CLASP1: variants seen among roughly 807,000 people sequenced by gnomAD.
CLASP1 encodes CLIP-associating protein 1.
A neutral mutation model predicts 192.3 loss-of-function variants in CLASP1; 38 were observed. The ratio of observed to expected loss-of-function variants is 0.20; its 90% CI spans 0.15 to 0.26. The LOEUF is 0.26. Among genes scored for constraint, CLASP1 ranks in the 10% least tolerant of loss-of-function variants. The pLI is 1.00. For missense variants in CLASP1, 1,433 were observed against 1,932.5 expected, an observed-to-expected ratio of 0.74 and a Z score of 4.85; for synonymous variants, 691 against 712.8, an observed-to-expected ratio of 0.97 and a Z score of 0.49.
intron 34 of CLASP1, among the ~76,000 whole-genome samples, chr2:121,377,266 C>T (rs1347419252): frequency 1.3e-5 from 2 of 152,160 alleles, no homozygotes; most frequent in African/African-American, 4.8e-5. Context: ...GATGGATGTA[C>T]TAATTACCTT....
rs529251699 is a variant in CLASP1, at chr2:121,486,451, T to C, written c.713-16491A>G. Among the ~76,000 whole-genome samples, 5 of 152,284 alleles carry C rather than the reference T, an allele frequency of 3.3e-5. No individual in the cohort carries two copies. The East Asian group carries it at 9.7e-4, about 29-fold the overall frequency. On this transcript the variant is annotated intron_variant, in intron 8 of 39. Transcript: ENST00000263710. ...TACATAAGAGTCACCATATATCCTT[T>C]CATTGATTAAATGTTCATTTCTCCC...
At chr2:121,499,969 A>G (rs774663097) in intron 8 of CLASP1, among the ~76,000 whole-genome samples, 5 of 152,196 alleles carry the variant, frequency 3.3e-5, no homozygotes, top group Non-Finnish European at 7.3e-5. Flanking sequence ...CTTACACAGT[A>G]CTGGAAGTTC....
intron 8 of CLASP1, among the ~76,000 whole-genome samples, chr2:121,490,889 A>C (rs1175049237): frequency 6.6e-6 from 1 of 152,234 alleles, no homozygotes; most frequent in African/African-American, 2.4e-5. Flanking sequence ...AGAGAGTGTG[A>C]ACCTAGAATT....
chr2:121,628,695 T>C (rs1452526041), intron 1 of CLASP1, among the ~76,000 whole-genome samples: 1 of 150,928 alleles, frequency 6.6e-6, no homozygotes, highest in Non-Finnish European at 1.5e-5. Flanking sequence ...AAAAAGAATG[T>C]AATTGAATAT....
At chr2:121,600,837 T>A (rs2063704838) in intron 2 of CLASP1, among the ~76,000 whole-genome samples, 2 of 152,228 alleles carry the variant, frequency 1.3e-5, no homozygotes, top group Admixed American at 1.3e-4. Flanking sequence ...CATGGTCACA[T>A]GCTTCACTCA....
chr2:121,609,692 C>T (rs1325346236), intron 1 of CLASP1, among the ~76,000 whole-genome samples: 1 of 152,292 alleles, frequency 6.6e-6, no homozygotes, highest in African/African-American at 2.4e-5. Context: ...CCTGTAATCC[C>T]AAGACTTTGG....
At chr2:121,469,562 TC>T (rs2149963530) in intron 9 of CLASP1, among the ~76,000 whole-genome samples, 1 of 152,304 alleles carries the variant, frequency 6.6e-6, no homozygotes, top group South Asian at 2.1e-4. Context: ...TGTGCTGGCT[TC>T]CTTCTCCTGC....
In CLASP1 at chr2:121,483,155, C is replaced by T. The variant is rs150903260; in HGVS notation, c.713-13195G>A. On this transcript the variant is annotated intron_variant, in intron 8 of 39. Coordinates refer to ENST00000263710, the Ensembl canonical transcript of CLASP1. ...TGACTTCATCCATCTGGGCATCCTACTTTATCTGCCCCTCTTCCCCCTCCC... is the reference window on the plus strand; with the variant it reads ...TGACTTCATCCATCTGGGCATCCTATTTTATCTGCCCCTCTTCCCCCTCCC... Among the ~76,000 whole-genome samples the T allele has an allele frequency of 6.5e-3, 991 of 152,290 alleles. 10 individuals carry two copies. The highest frequency in any genetic ancestry group is 8.6e-3 in the Non-Finnish European group (585 of 68,030).
chr2:121,530,947 C>G lies in CLASP1; in HGVS notation c.196-622G>C, dbSNP rs191916413. The stretch of plus-strand genomic sequence containing the variant: ...ATAGTGAGGGCAGTACTGCTAACGC[C>G]TGAACAACACACCCGCATCAACTAG... On this transcript the variant is annotated intron_variant, in intron 2 of 39. Transcript: ENST00000263710. 13 of 700,308 alleles carry G rather than the reference C, an allele frequency of 1.9e-5. No individual in the cohort carries two copies. Among genetic ancestry groups the G allele is most frequent in the East Asian group, 1.3e-4 (5 of 37,312 alleles). The allele number at this position is 700,308 out of a possible 1,614,324, so 43.4% of individuals were successfully genotyped here. A position where few individuals can be genotyped will look rare whatever the true frequency, so the allele number is the denominator to read the frequency against.
chr2:121,340,753 T>C (rs759893330), exon 40 of CLASP1: 8 of 743,664 alleles, frequency 1.1e-5, no homozygotes, highest in Non-Finnish European at 1.8e-5. Flanking sequence ...TAATAAATAT[T>C]TGTGGGCCTC....
At chr2:121,582,984 C>A (rs931734335) in intron 2 of CLASP1, among the ~76,000 whole-genome samples, 13 of 151,956 alleles carry the variant, frequency 8.6e-5, no homozygotes, top group Admixed American at 4.6e-4. Flanking sequence ...CGGGGTTTCA[C>A]CATGTTGGCA....
chr2:121,588,744 CCT>C (rs1379987745), intron 2 of CLASP1, among the ~76,000 whole-genome samples: 1 of 152,104 alleles, frequency 6.6e-6, no homozygotes, highest in Non-Finnish European at 1.5e-5. Flanking sequence ...CCACTAGACC[CCT>C]GAGGCCTCCC....
At chr2:121,569,021 T>C (rs2059752609) in intron 2 of CLASP1, among the ~76,000 whole-genome samples, 1 of 152,056 alleles carries the variant, frequency 6.6e-6, no homozygotes. Flanking sequence ...GAGATATAAA[T>C]GTTCAATCCC....
intron 20 of CLASP1, among the ~76,000 whole-genome samples, chr2:121,427,655 A>ACCTACAAT (rs1421942207): frequency 1.3e-5 from 2 of 152,174 alleles, no homozygotes; most frequent in Non-Finnish European, 1.5e-5. Context: ...ACACTTTCAA[A>ACCTACAAT]CCTACAATGT....
chr2:121,559,413 CA>C (rs2058872780), intron 2 of CLASP1, among the ~76,000 whole-genome samples: 1 of 152,110 alleles, frequency 6.6e-6, no homozygotes, highest in Non-Finnish European at 1.5e-5. Context: ...CAGTATTATT[CA>C]TAATAGTCAA....
chr2:121,645,493 CA>C (rs1482618224), intron 1 of CLASP1, among the ~76,000 whole-genome samples: 1 of 152,174 alleles, frequency 6.6e-6, no homozygotes, highest in Non-Finnish European at 1.5e-5. Context: ...TATTAGTCTA[CA>C]TTAGGATACA....
At chr2:121,598,198 T>C (rs1316578928) in intron 2 of CLASP1, among the ~76,000 whole-genome samples, 2 of 152,226 alleles carry the variant, frequency 1.3e-5, no homozygotes, top group East Asian at 1.9e-4. Context: ...TGGTGTAGCA[T>C]AGTGCTGTTC....
At chr2:121,463,960 G>A (rs1054336062) in intron 9 of CLASP1, among the ~76,000 whole-genome samples, 2 of 150,442 alleles carry the variant, frequency 1.3e-5, no homozygotes, top group Non-Finnish European at 3.0e-5. Flanking sequence ...TCGTCATTTA[G>A]CATTAGGTAT....
In CLASP1 at chr2:121,404,475, T is replaced by C. The variant is rs187431837; in HGVS notation, c.2670-41A>G. 1,426 of 1,547,254 alleles carry C rather than the reference T, an allele frequency of 9.2e-4. 1 individual carries two copies. The highest frequency in any genetic ancestry group is 1.1e-3 in the Admixed American group (62 of 54,014). ...CAGAAATCAATGAATTTACTACTTT[T>C]ATTATTTTTGAGACAGGGTCTCACT... On this transcript the variant is annotated intron_variant, in intron 25 of 39. Coordinates refer to ENST00000263710, the Ensembl canonical transcript of CLASP1.
Sources: allele counts gnomAD v4.1 joint callset (sites outside exome capture counted in the v4.1 genomes callset), GRCh38; gene constraint gnomAD v4.1.1; transcripts MANE v1.5; gene names NCBI Gene and HGNC (gene_info 2026-07-23, HGNC 2026-07-21).